Variants in ITPRID1 observed in about 807,000 individuals in gnomAD.
The protein encoded by ITPRID1 is ITPR interacting domain containing 1, also known as protein ITPRID1.
ITPRID1 carries 96 observed loss-of-function variants against 95.4 expected under a neutral mutation model. The observed-to-expected ratio is 1.01, with a 90% CI of 0.85 to 1.19. The LOEUF (loss-of-function observed/expected upper bound fraction) is 1.19. ITPRID1 is among the 50% of genes most tolerant of loss of function. The pLI, the probability that ITPRID1 is intolerant of heterozygous loss-of-function variation, is 0.00. For missense variants in ITPRID1, 1,339 were observed against 1,252.9 expected (o/e 1.07, Z -1.04); for synonymous variants, 510 against 453.6 (o/e 1.12, Z -1.58).
chr7:31,577,554 C>T (rs1425733283), intron 8 of ITPRID1, among the ~76,000 whole-genome samples: 1 of 152,184 alleles, frequency 6.6e-6, no homozygotes, highest in Admixed American at 6.5e-5. Context: ...CACAGATTCA[C>T]CGATGCCTAC....
intron 12 of ITPRID1, among the ~76,000 whole-genome samples, chr7:31,644,774 A>G (rs1562653322): frequency 6.6e-6 from 1 of 152,202 alleles, no homozygotes; most frequent in Non-Finnish European, 1.5e-5. Flanking sequence ...AATTAAGACT[A>G]TTGCACATAA....
intron 10 of ITPRID1, among the ~76,000 whole-genome samples, chr7:31,599,666 C>CTT (rs1554290616): frequency 0.18 from 9,334 of 50,504 alleles, 851 homozygotes; most frequent in Middle Eastern, 0.28. Flanking sequence ...TTTCCTTTCT[C>CTT]TCTCTCTCTC....
intron 9 of ITPRID1, among the ~76,000 whole-genome samples, chr7:31,582,419 C>T (rs1449370731): frequency 6.6e-6 from 1 of 151,958 alleles, no homozygotes; most frequent in African/African-American, 2.4e-5. Flanking sequence ...GTTTTCTTAT[C>T]TTCTTTTTAT....
chr7:31,601,902 C>G (rs913704789), intron 10 of ITPRID1, among the ~76,000 whole-genome samples: 4 of 152,192 alleles, frequency 2.6e-5, no homozygotes, highest in African/African-American at 4.8e-5. Context: ...GCTTAGTCAC[C>G]TGGCCTCAAT....
At chr7:31,525,508 G>T (rs1021286997) in intron 1 of ITPRID1, among the ~76,000 whole-genome samples, 2 of 152,184 alleles carry the variant, frequency 1.3e-5, no homozygotes, top group Admixed American at 1.3e-4. Flanking sequence ...GCACAATGTG[G>T]TAAATGTTCT....
intron 10 of ITPRID1, among the ~76,000 whole-genome samples, chr7:31,612,224 C>T (rs1447114871): frequency 6.6e-6 from 1 of 152,038 alleles, no homozygotes; most frequent in African/African-American, 2.4e-5. Context: ...CTTTATGATA[C>T]TCTGTATTTG....
chr7:31,602,981 A>AC (rs886212931), intron 10 of ITPRID1, among the ~76,000 whole-genome samples: 4 of 138,424 alleles, frequency 2.9e-5, no homozygotes, highest in Admixed American at 2.3e-4. Context: ...TCCATATATC[A>AC]CCCCCTCATC....
Position 31,580,391 on chromosome 7 carries a change from C to T in ITPRID1, c.1170+1957C>T, listed in dbSNP as rs141545318. On this transcript the variant is annotated intron_variant, in intron 9 of 14. Transcript: ENST00000615280. Reference sequence around the variant, plus strand: ...CAAACTCCAACCCATTGTCAAGCCTCGTCAGACTCTATTGTCCCTGAAGGT... The same window carrying T: ...CAAACTCCAACCCATTGTCAAGCCTTGTCAGACTCTATTGTCCCTGAAGGT... 1.0e-3 allele frequency among the ~76,000 whole-genome samples: 155 copies of T among 152,010 alleles called. 3 individuals are homozygous for T. Among genetic ancestry groups the T allele is most frequent in the Non-Finnish European group, 9.7e-4 (66 of 67,986 alleles).
At chr7:31,645,200 A>C (rs1232430104) in intron 12 of ITPRID1, among the ~76,000 whole-genome samples, 1 of 152,234 alleles carries the variant, frequency 6.6e-6, no homozygotes, top group Non-Finnish European at 1.5e-5. Flanking sequence ...CGACTTTAAA[A>C]TATCTAAATC....
intron 10 of ITPRID1, among the ~76,000 whole-genome samples, chr7:31,588,276 T>G (rs1424241417): frequency 6.6e-6 from 1 of 152,216 alleles, no homozygotes; most frequent in South Asian, 2.1e-4. Context: ...GTCCTGTTTT[T>G]TAAAAGCTTT....
Position 31,642,198 on chromosome 7 carries a change from T to C in ITPRID1, c.1251T>C (p.Asn417=), listed in dbSNP as rs755151021. 1.7e-5 allele frequency: 27 copies of C among 1,561,226 alleles called. No individual in the cohort carries two copies. Among genetic ancestry groups the C allele is most frequent in the Non-Finnish European group, 2.3e-5 (26 of 1,153,676 alleles). ...GTVGARVDRA[N]SCQSDSSGFL... ...CAGGTGCCAGGGTGGACAGAGCAAA[T>C]AGCTGCCAGTCTGACAGCAGCGGGT... Residue 417 remains asparagine, a synonymous_variant, in exon 11 of 15, where the codon AAT becomes AAC. Transcript: ENST00000615280.
chr7:31,631,711 A>G (rs1789015334), intron 10 of ITPRID1, among the ~76,000 whole-genome samples: 1 of 152,200 alleles, frequency 6.6e-6, no homozygotes, highest in Non-Finnish European at 1.5e-5. Flanking sequence ...AAGAATTCCT[A>G]GGCTGTAAGA....
intron 9 of ITPRID1, among the ~76,000 whole-genome samples, chr7:31,581,201 G>C (rs1562585614): frequency 6.6e-6 from 1 of 152,122 alleles, no homozygotes; most frequent in East Asian, 1.9e-4. Flanking sequence ...TTTCAAGTAT[G>C]ATTGGCCAAA....
chr7:31,538,910 TG>T (rs1316797396), intron 1 of ITPRID1, among the ~76,000 whole-genome samples: 1 of 152,222 alleles, frequency 6.6e-6, no homozygotes, highest in Non-Finnish European at 1.5e-5. Flanking sequence ...CCGTAAGTTT[TG>T]CACCCAATTA....
chr7:31,606,470 AG>A, intron 10 of ITPRID1, among the ~76,000 whole-genome samples: 1 of 152,018 alleles, frequency 6.6e-6, no homozygotes, highest in Non-Finnish European at 1.5e-5. Context: ...AGAGAGAGAG[AG>A]AGGAAAAAAA....
At chr7:31,604,993 C>T (rs1045525948) in intron 10 of ITPRID1, among the ~76,000 whole-genome samples, 2 of 151,990 alleles carry the variant, frequency 1.3e-5, no homozygotes, top group African/African-American at 2.4e-5. Flanking sequence ...AAAAAATTAG[C>T]CGGGGGTGGT....
chr7:31,642,092 G>A (rs1403712498), intron 10 of ITPRID1, 84 bp from the exon 11 acceptor site: 1 of 848,922 alleles, frequency 1.2e-6, no homozygotes, highest in Non-Finnish European at 1.8e-6. Context: ...TCCATGGTGT[G>A]TCAGGCACCT....
intron 10 of ITPRID1, among the ~76,000 whole-genome samples, chr7:31,593,023 C>T (rs1035675904): frequency 6.6e-6 from 1 of 152,050 alleles, no homozygotes; most frequent in Non-Finnish European, 1.5e-5. Flanking sequence ...TTAACAATCG[C>T]GCTGGGCACA....
rs535645297 is a variant in ITPRID1, at chr7:31,618,555, G to A, written c.1229-23621G>A. Among the ~76,000 whole-genome samples the A allele has an allele frequency of 2.6e-5, 4 of 152,302 alleles. No individual in the cohort carries two copies. The East Asian group carries it at 7.7e-4, about 29-fold the overall frequency. On this transcript the variant is annotated intron_variant, in intron 10 of 14. Transcript: ENST00000615280. ...CCTTCTTCTCAGAAAAGGTAGAGAT[G>A]ATGTTAGGAAAGGCTTTGAAACCAA... is the stretch of plus-strand genomic sequence containing the variant.
Sources: gnomAD v4.1 joint callset for allele counts (sites outside exome capture counted in the v4.1 genomes callset) on GRCh38, gnomAD v4.1.1 for gene constraint, MANE v1.5 for transcripts, NCBI Gene and HGNC (gene_info 2026-07-23, HGNC 2026-07-21) for gene names.